Variants in THSD7B observed in about 807,000 individuals in gnomAD.
THSD7B encodes the protein thrombospondin type-1 domain-containing protein 7B.
Under a neutral mutation model 213.6 loss-of-function variants are expected in THSD7B, and 138 were observed. The ratio of observed to expected loss-of-function variants is 0.65; its 90% CI spans 0.56 to 0.74. The LOEUF (loss-of-function observed/expected upper bound fraction) is 0.74. Ranked by LOEUF, THSD7B falls within the 30% of genes least tolerant of loss-of-function variation. The pLI is 0.00. For missense variants in THSD7B, 1,931 were observed against 1,991.5 expected (o/e 0.97, Z 0.58); for synonymous variants, 742 against 687.0 (o/e 1.08, Z -1.25).
chr2:137,401,346 T>C (rs1313967585), intron 12 of THSD7B, among the ~76,000 whole-genome samples: 1 of 152,218 alleles, frequency 6.6e-6, no homozygotes, highest in Non-Finnish European at 1.5e-5. Flanking sequence ...TTGCTGATTT[T>C]CCAGTCCTGC....
chr2:137,132,622 C>G (rs555911009), intron 5 of THSD7B, among the ~76,000 whole-genome samples: 1 of 152,160 alleles, frequency 6.6e-6, no homozygotes, highest in African/African-American at 2.4e-5. Flanking sequence ...TGTTTTCATT[C>G]TTGTTATCTT....
intron 14 of THSD7B, 54 bp downstream of exon 14, chr2:137,411,926 G>C (rs1456856805): frequency 2.5e-6 from 4 of 1,590,282 alleles, no homozygotes; most frequent in Non-Finnish European, 3.4e-6. Flanking sequence ...CAGCTCGGGA[G>C]GTTTGTCTCA....
intron 6 of THSD7B, among the ~76,000 whole-genome samples, chr2:137,168,878 C>T (rs901781987): frequency 2.0e-5 from 3 of 152,056 alleles, no homozygotes; most frequent in Non-Finnish European, 4.4e-5. Flanking sequence ...GTTTGATGCT[C>T]GTCAAGTGAA....
At chr2:137,289,800 G>GA (rs909423318) in intron 12 of THSD7B, among the ~76,000 whole-genome samples, 3 of 150,386 alleles carry the variant, frequency 2.0e-5, no homozygotes, top group Admixed American at 6.6e-5. Context: ...AGAAAAAAGA[G>GA]AAAAAAAAAG....
chr2:137,407,630 G>A, intron 13 of THSD7B, among the ~76,000 whole-genome samples: 1 of 152,186 alleles, frequency 6.6e-6, no homozygotes, highest in Non-Finnish European at 1.5e-5. Context: ...GCTGCTGAAA[G>A]TCTTGTACTC....
chr2:136,985,266 G>A (rs533542343), intron 2 of THSD7B, among the ~76,000 whole-genome samples: 21 of 152,290 alleles, frequency 1.4e-4, no homozygotes, highest in East Asian at 5.8e-4. Context: ...CCTTGAAGGC[G>A]TTTGAGAAAT....
At chr2:137,258,907 C>T (rs1486667962) in intron 10 of THSD7B, among the ~76,000 whole-genome samples, 1 of 151,998 alleles carries the variant, frequency 6.6e-6, no homozygotes, top group Non-Finnish European at 1.5e-5. Flanking sequence ...CTTTGTTCAG[C>T]TCCCACTTAT....
intron 2 of THSD7B, among the ~76,000 whole-genome samples, chr2:136,933,474 G>C (rs1047752074): frequency 6.6e-6 from 1 of 152,028 alleles, no homozygotes; most frequent in Non-Finnish European, 1.5e-5. Context: ...AGTTACTCAG[G>C]AGCCTTAGGC....
intron 15 of THSD7B, among the ~76,000 whole-genome samples, chr2:137,499,486 C>G (rs922979526): frequency 2.6e-5 from 4 of 152,106 alleles, no homozygotes; most frequent in Non-Finnish European, 5.9e-5. Context: ...CGTTATGTTC[C>G]CATTCCTCAA....
intron 2 of THSD7B, among the ~76,000 whole-genome samples, chr2:137,055,025 T>G (rs1268716794): frequency 1.3e-5 from 2 of 152,162 alleles, no homozygotes; most frequent in Non-Finnish European, 2.9e-5. Flanking sequence ...AGTGAGAACA[T>G]GCAGTGTTTG....
intron 15 of THSD7B, among the ~76,000 whole-genome samples, chr2:137,453,525 T>G (rs1371648428): frequency 6.6e-6 from 1 of 151,880 alleles, no homozygotes; most frequent in Non-Finnish European, 1.5e-5. Context: ...GAGACAGGGT[T>G]TCACTGTGTT....
At chr2:136,866,702 C>T (rs1447610911) in intron 1 of THSD7B, among the ~76,000 whole-genome samples, 1 of 152,184 alleles carries the variant, frequency 6.6e-6, no homozygotes, top group Non-Finnish European at 1.5e-5. Flanking sequence ...GAAAAGCGTT[C>T]CTACCTAAAA....
intron 2 of THSD7B, among the ~76,000 whole-genome samples, chr2:136,897,493 C>T (rs143795312): frequency 0.12 from 17,878 of 152,084 alleles, 1,470 homozygotes; most frequent in East Asian, 0.4. Flanking sequence ...GGAGTGAAGC[C>T]GCAGACCCTC....
intron 15 of THSD7B, among the ~76,000 whole-genome samples, chr2:137,464,004 T>C (rs1687937572): frequency 6.6e-6 from 1 of 152,108 alleles, no homozygotes; most frequent in Non-Finnish European, 1.5e-5. Flanking sequence ...GTTGTAGGTC[T>C]GGGTTGTAAA....
At chr2:137,071,378 T>C (rs1432324053) in intron 3 of THSD7B, among the ~76,000 whole-genome samples, 1 of 152,208 alleles carries the variant, frequency 6.6e-6, no homozygotes, top group African/African-American at 2.4e-5. Flanking sequence ...TCTGTTCATA[T>C]CCTTTGCCCA....
intron 7 of THSD7B, among the ~76,000 whole-genome samples, chr2:137,180,592 T>G (rs1410135005): frequency 6.6e-6 from 1 of 152,146 alleles, no homozygotes; most frequent in Non-Finnish European, 1.5e-5. Context: ...ATTCACACAA[T>G]AGGCCAATTG....
intron 27 of THSD7B, among the ~76,000 whole-genome samples, chr2:137,674,580 T>C (rs1683653373): frequency 6.6e-6 from 1 of 152,192 alleles, no homozygotes; most frequent in African/African-American, 2.4e-5. Flanking sequence ...TTAGAGTCAC[T>C]GGAACATACT....
At chr2:136,767,153 G>T (rs1236124000) in intron 1 of THSD7B, among the ~76,000 whole-genome samples, 1 of 152,120 alleles carries the variant, frequency 6.6e-6, no homozygotes, top group East Asian at 1.9e-4. Flanking sequence ...AAGCCTTTTT[G>T]TGCTCTTGAC....
intron 1 of THSD7B, among the ~76,000 whole-genome samples, chr2:136,802,637 G>GTT (rs1553449349): frequency 1.5e-4 from 6 of 39,024 alleles, no homozygotes; most frequent in Non-Finnish European, 3.6e-4. Flanking sequence ...TATGAATTAA[G>GTT]TTTATATATA....
Sources: allele counts gnomAD v4.1 joint callset (sites outside exome capture counted in the v4.1 genomes callset), GRCh38; gene constraint gnomAD v4.1.1; transcripts MANE v1.5; gene names NCBI Gene and HGNC (gene_info 2026-07-23, HGNC 2026-07-21).